Variants in ASTN2 observed in about 807,000 individuals in gnomAD.
ASTN2 encodes the protein astrotactin 2.
In ASTN2, 54 loss-of-function variants were observed where a neutral mutation model predicts 139.8. That is an observed-to-expected ratio of 0.39 (90% CI 0.31 to 0.48). The LOEUF is 0.48. Ranked by LOEUF, ASTN2 falls within the 20% of genes least tolerant of loss-of-function variation. ASTN2 has a pLI of 0.95. For synonymous variants in ASTN2, 756 were observed against 719.5 expected (o/e 1.05, Z -0.81); for missense variants, 1,565 against 1,725.1 (o/e 0.91, Z 1.64).
chr9:116,503,422 C>T (rs375662854), intron 19 of ASTN2, among the ~76,000 whole-genome samples: 18 of 152,226 alleles, frequency 1.2e-4, no homozygotes, highest in African/African-American at 4.1e-4. Flanking sequence ...GACTCCCTTG[C>T]TTCCTCATTT....
intron 17 of ASTN2, among the ~76,000 whole-genome samples, chr9:116,622,796 C>T (rs1193300340): frequency 6.6e-6 from 1 of 152,174 alleles, no homozygotes; most frequent in East Asian, 1.9e-4. Flanking sequence ...AGTGTCTGGG[C>T]CAGGGTGTGT....
At chr9:117,013,114 T>C (rs1048253172) in intron 6 of ASTN2, among the ~76,000 whole-genome samples, 2 of 151,956 alleles carry the variant, frequency 1.3e-5, no homozygotes, top group Non-Finnish European at 2.9e-5. Context: ...ATCACTGCCA[T>C]GCTTAGGGTG....
intron 1 of ASTN2, among the ~76,000 whole-genome samples, chr9:117,377,503 A>T (rs1017916709): frequency 6.6e-6 from 1 of 152,134 alleles, no homozygotes; most frequent in African/African-American, 2.4e-5. Context: ...CTAAAATTAC[A>T]CCTTGACTCT....
chr9:116,565,512 C>T (rs1853187010), intron 19 of ASTN2, among the ~76,000 whole-genome samples: 1 of 149,730 alleles, frequency 6.7e-6, no homozygotes, highest in Admixed American at 6.7e-5. Flanking sequence ...ACTGCAACCT[C>T]CAGTCACACC....
At chr9:117,065,853 G>T (rs1172451758) in intron 5 of ASTN2, among the ~76,000 whole-genome samples, 1 of 152,048 alleles carries the variant, frequency 6.6e-6, no homozygotes, top group Non-Finnish European at 1.5e-5. Flanking sequence ...AAAAGCACCA[G>T]CTTTGGGGTC....
chr9:117,113,100 G>A (rs567724938), intron 4 of ASTN2, among the ~76,000 whole-genome samples: 32 of 152,260 alleles, frequency 2.1e-4, no homozygotes, highest in Admixed American at 1.0e-3. Flanking sequence ...GTCTTGACAA[G>A]GTTTTGAAGC....
chr9:117,229,180 G>T (rs1026246728), intron 2 of ASTN2, among the ~76,000 whole-genome samples: 1 of 152,250 alleles, frequency 6.6e-6, no homozygotes, highest in East Asian at 1.9e-4. Context: ...GGCCCAGGCT[G>T]CAGGGGAATC....
rs1321465114 is a variant in ASTN2, at chr9:116,569,625, T to C, written c.3355+48699A>G. On this transcript the variant is annotated intron_variant, in intron 19 of 22. Coordinates refer to ENST00000313400, the MANE Select transcript of ASTN2 (RefSeq NM_001365068.1). ...TCTTCAGCTTCAATTCACATTTGGG[T>C]TCATGTGTTTTGCTGCCTTCCTTCT... is the stretch of plus-strand genomic sequence containing the variant. Among the ~76,000 whole-genome samples, 8 of 152,240 alleles carry C rather than the reference T, an allele frequency of 5.3e-5. No homozygotes were observed. In the East Asian group the frequency reaches 5.8e-4, roughly 11 times the overall value.
intron 22 of ASTN2, among the ~76,000 whole-genome samples, chr9:116,432,508 A>G (rs1164485749): frequency 6.6e-6 from 1 of 152,160 alleles, no homozygotes; most frequent in Non-Finnish European, 1.5e-5. Context: ...TTCAAAATCT[A>G]TTGTTCAGGA....
intron 1 of ASTN2, among the ~76,000 whole-genome samples, chr9:117,360,072 AC>A (rs545684485): frequency 6.7e-4 from 102 of 152,066 alleles, no homozygotes; most frequent in African/African-American, 2.3e-3. Flanking sequence ...ATTGACTCTG[AC>A]CCCTAGTGTG....
intron 1 of ASTN2, among the ~76,000 whole-genome samples, chr9:117,300,702 G>T (rs1287181648): frequency 6.6e-6 from 1 of 152,180 alleles, no homozygotes; most frequent in African/African-American, 2.4e-5. Flanking sequence ...AATGCCAATG[G>T]TATGCTAGGT....
intron 13 of ASTN2, among the ~76,000 whole-genome samples, chr9:116,749,580 C>T (rs1457989355): frequency 6.6e-6 from 1 of 152,176 alleles, no homozygotes; most frequent in Non-Finnish European, 1.5e-5. Context: ...TCACAGCATG[C>T]ACTGAAATTG....
chr9:117,383,375 A>G (rs779340353), intron 1 of ASTN2, among the ~76,000 whole-genome samples: 1 of 152,216 alleles, frequency 6.6e-6, no homozygotes, highest in East Asian at 1.9e-4. Flanking sequence ...GACTGGAAGG[A>G]ATTACTCAGG....
chr9:117,291,930 T>C (rs1342061711), intron 1 of ASTN2, among the ~76,000 whole-genome samples: 3 of 152,166 alleles, frequency 2.0e-5, no homozygotes, highest in Non-Finnish European at 4.4e-5. Flanking sequence ...GAAGTTGAGC[T>C]GGAAGTACTC....
At chr9:117,218,074 C>G (rs1020281752) in intron 2 of ASTN2, among the ~76,000 whole-genome samples, 8 of 152,224 alleles carry the variant, frequency 5.3e-5, no homozygotes, top group African/African-American at 1.7e-4. Flanking sequence ...GGCACAGGAG[C>G]AAAAGCCTAC....
chr9:116,636,066 G>C (rs1290477825), intron 17 of ASTN2, among the ~76,000 whole-genome samples: 1 of 152,292 alleles, frequency 6.6e-6, no homozygotes, highest in African/African-American at 2.4e-5. Flanking sequence ...AATGACAAAG[G>C]CTCTATTCTT....
intron 1 of ASTN2, among the ~76,000 whole-genome samples, chr9:117,369,147 G>A (rs1222312456): frequency 6.6e-6 from 1 of 152,036 alleles, no homozygotes; most frequent in Non-Finnish European, 1.5e-5. Context: ...CTATTCAAAT[G>A]CAAAGCTCTT....
rs71379248 is a variant in ASTN2, at chr9:116,999,548, CTTTTTTTTTTTTTT to C, written c.1591+8530_1591+8543del. ...TTCCTCTTTCTTTCTTTCTCTCTTT[CTTTTTTTTTTTTTT>C]TTTTTTTTTTTTTTTTGGACAGAGT... On this transcript the variant is annotated intron_variant, in intron 7 of 22. Transcript: ENST00000313400. Among the ~76,000 whole-genome samples, 670 of 94,988 alleles carry C rather than the reference CTTTTTTTTTTTTTT, an allele frequency of 7.1e-3. 5 individuals carry two copies. Among genetic ancestry groups the C allele is most frequent in the African/African-American group, 0.03 (619 of 20,398 alleles). The allele number at this position is 94,988 out of a possible 152,430, so 62.3% of individuals were successfully genotyped here.
At chr9:116,790,411 T>C (rs1168133338) in intron 13 of ASTN2, among the ~76,000 whole-genome samples, 1 of 152,064 alleles carries the variant, frequency 6.6e-6, no homozygotes, top group East Asian at 1.9e-4. Flanking sequence ...GGAATGTCCA[T>C]CCTCCGCCCT....
Sources: allele counts gnomAD v4.1 joint callset (sites outside exome capture counted in the v4.1 genomes callset), GRCh38; gene constraint gnomAD v4.1.1; transcripts MANE v1.5; gene names NCBI Gene and HGNC (gene_info 2026-07-23, HGNC 2026-07-21).